The following TMPRSS11A variants were observed in gnomAD, a reference collection of about 807,000 sequenced individuals.
TMPRSS11A encodes the protein transmembrane serine protease 11A, also known as transmembrane protease serine 11A.
Under a neutral mutation model 58.9 loss-of-function variants are expected in TMPRSS11A, and 53 were observed. The ratio of observed to expected loss-of-function variants is 0.90; its 90% CI spans 0.72 to 1.13. The LOEUF (loss-of-function observed/expected upper bound fraction) is 1.13. Ranked by LOEUF, TMPRSS11A falls within the 50% of genes most tolerant of loss-of-function variation. The probability of loss-of-function intolerance (pLI) is 0.00; values close to 1 mark genes in which losing one functional copy is unlikely to be tolerated. For synonymous variants in TMPRSS11A, 167 were observed against 169.8 expected (o/e 0.98, Z 0.13); for missense variants, 493 against 499.3 (o/e 0.99, Z 0.12).
intron 5 of TMPRSS11A, among the ~76,000 whole-genome samples, chr4:67,926,588 G>A (rs1221005069): frequency 6.6e-6 from 1 of 152,214 alleles, no homozygotes; most frequent in Non-Finnish European, 1.5e-5. Context: ...GGCAGGACCT[G>A]CTCCCAGGCC....
intron 1 of TMPRSS11A, among the ~76,000 whole-genome samples, chr4:67,954,944 ATAAATGTGAGATGTTATCATTC>A (rs1467096216): frequency 2.6e-5 from 4 of 152,244 alleles, no homozygotes; most frequent in Admixed American, 2.6e-4. Flanking sequence ...TAAATAATAT[ATAAATGTGAGATGTTATCATTC>A]TTTTTATTGT....
chr4:67,961,482 C>CTTTTTTTTTTTTTTTTTTTTTTTTTTT (rs1721418705), intron 1 of TMPRSS11A, among the ~76,000 whole-genome samples: 1 of 102,454 alleles, frequency 9.8e-6, no homozygotes, highest in African/African-American at 4.8e-5. Flanking sequence ...CTTTTCTTTT[C>CTTTTTTTTTTTTTTTTTTTTTTTTTTT]CTTTTTTTTT....
intron 1 of TMPRSS11A, among the ~76,000 whole-genome samples, chr4:67,962,304 G>A (rs1049357032): frequency 6.6e-6 from 1 of 152,000 alleles, no homozygotes; most frequent in African/African-American, 2.4e-5. Flanking sequence ...TTGTGAGTGG[G>A]GAAGGAAACC....
intron 9 of TMPRSS11A, among the ~76,000 whole-genome samples, chr4:67,913,419 C>A (rs1028691498): frequency 3.3e-5 from 5 of 152,194 alleles, no homozygotes; most frequent in African/African-American, 1.2e-4. Context: ...ACCTGAACCG[C>A]TGCCCTGATA....
At chr4:67,951,990 T>C (rs1721172394) in intron 1 of TMPRSS11A, among the ~76,000 whole-genome samples, 1 of 152,204 alleles carries the variant, frequency 6.6e-6, no homozygotes. Context: ...GAAAGCAACC[T>C]TCTGTGGTGA....
chr4:67,926,813 G>T (rs1040152777), intron 5 of TMPRSS11A, among the ~76,000 whole-genome samples: 1 of 152,198 alleles, frequency 6.6e-6, no homozygotes, highest in Admixed American at 6.5e-5. Flanking sequence ...GGGCAGAGAG[G>T]TGCTGGAGGC....
At chr4:67,933,047 G>T (rs368379190) in intron 3 of TMPRSS11A, among the ~76,000 whole-genome samples, 1 of 151,706 alleles carries the variant, frequency 6.6e-6, no homozygotes, top group Non-Finnish European at 1.5e-5. Context: ...CCAAATGTGC[G>T]CACAAAATAT....
chr4:67,929,781 C>T, intron 5 of TMPRSS11A, 99 bp downstream of exon 5: 1 of 1,104,150 alleles, frequency 9.1e-7, no homozygotes, highest in South Asian at 1.8e-5. Context: ...TGAATTCTAG[C>T]TATTATTTGA....
rs1331820281 is a variant in TMPRSS11A at position 67,909,522 on chromosome 4, A to G, written c.*1820T>C. 1.3e-5 allele frequency: 2 copies of G among 152,176 alleles called. No homozygotes were observed. Among genetic ancestry groups the G allele is most frequent in the African/African-American group, 4.8e-5 (2 of 41,458 alleles). 9.4% of individuals were successfully genotyped at this position (152,176 alleles called of 1,614,324 possible). A position where few individuals can be genotyped will look rare whatever the true frequency, so the allele number is the denominator to read the frequency against. ...TTCATAATTCTAAGATCATTTCCTG[A>G]ATCTGAACATCCAAAGTCAGCATTA... On this transcript the variant is annotated 3_prime_UTR_variant, in exon 10 of 10. Transcript: ENST00000508048.
intron 5 of TMPRSS11A, among the ~76,000 whole-genome samples, chr4:67,926,638 A>G (rs1720474434): frequency 6.6e-6 from 1 of 152,150 alleles, no homozygotes; most frequent in Non-Finnish European, 1.5e-5. Flanking sequence ...CCACATTGCC[A>G]TTCTTGACCA....
At chr4:67,935,231 C>T (rs1720722101) in intron 3 of TMPRSS11A, among the ~76,000 whole-genome samples, 1 of 152,164 alleles carries the variant, frequency 6.6e-6, no homozygotes. Flanking sequence ...GGTCCTCTCC[C>T]TCTGTGACCA....
intron 9 of TMPRSS11A, 44 bp downstream of exon 9, chr4:67,914,544 A>G (rs1324783624): frequency 1.9e-6 from 3 of 1,575,810 alleles, no homozygotes; most frequent in Non-Finnish European, 2.6e-6. Flanking sequence ...TGAGCCAGAT[A>G]CAAATTTTTG....
intron 5 of TMPRSS11A, among the ~76,000 whole-genome samples, chr4:67,928,193 C>T (rs1397171074): frequency 1.3e-5 from 2 of 152,086 alleles, no homozygotes; most frequent in Admixed American, 6.6e-5. Flanking sequence ...TACAGGTGCC[C>T]GTCACCAGGC....
rs78714446 is a variant in TMPRSS11A at position 67,937,345 on chromosome 4, A to G, written c.253-5285T>C. On this transcript the variant is annotated intron_variant, in intron 3 of 9. Coordinates refer to ENST00000508048, the MANE Select transcript of TMPRSS11A (RefSeq NM_001114387.2). Reference sequence around the variant, plus strand: ...CCTCCTACCTTTGCCTTCCTCACCAAAAACTGATACAGGGAAATGAGAAAG... The same window carrying G: ...CCTCCTACCTTTGCCTTCCTCACCAGAAACTGATACAGGGAAATGAGAAAG... Among the ~76,000 whole-genome samples, 1,363 of 152,258 alleles carry G rather than the reference A, an allele frequency of 9.0e-3. 18 individuals are homozygous for G. Among genetic ancestry groups the G allele is most frequent in the African/African-American group, 0.031 (1,277 of 41,538 alleles).
chr4:67,950,764 A>G (rs1721135965), intron 1 of TMPRSS11A, among the ~76,000 whole-genome samples: 1 of 152,268 alleles, frequency 6.6e-6, no homozygotes, highest in South Asian at 2.1e-4. Context: ...AGGGAATTTT[A>G]TGGTAAGCAT....
chr4:67,947,828 AT>A (rs1721063093), intron 1 of TMPRSS11A, among the ~76,000 whole-genome samples: 1 of 152,206 alleles, frequency 6.6e-6, no homozygotes, highest in Non-Finnish European at 1.5e-5. Flanking sequence ...CTAAGACCCA[AT>A]AAGGCACCTG....
intron 1 of TMPRSS11A, among the ~76,000 whole-genome samples, chr4:67,950,700 A>G (rs572896277): frequency 6.6e-6 from 1 of 152,372 alleles, no homozygotes; most frequent in East Asian, 1.9e-4. Context: ...CTTCAAAGAA[A>G]GCATGTGAGA....
At chr4:67,932,389 G>A (rs1398345122) in intron 3 of TMPRSS11A, among the ~76,000 whole-genome samples, 1 of 152,102 alleles carries the variant, frequency 6.6e-6, no homozygotes, top group Non-Finnish European at 1.5e-5. Flanking sequence ...ACCATAGAAG[G>A]AGTAGCAGAG....
At chr4:67,951,597 T>C (rs1282762028) in intron 1 of TMPRSS11A, among the ~76,000 whole-genome samples, 2 of 152,056 alleles carry the variant, frequency 1.3e-5, no homozygotes, top group Non-Finnish European at 2.9e-5. Flanking sequence ...TATTTTTTTT[T>C]TTTTGCTTTC....
Sources: allele counts gnomAD v4.1 joint callset (sites outside exome capture counted in the v4.1 genomes callset), GRCh38; gene constraint gnomAD v4.1.1; transcripts MANE v1.5; gene names NCBI Gene and HGNC (gene_info 2026-07-23, HGNC 2026-07-21).